Variants in FNDC3B observed in about 807,000 individuals in gnomAD.
FNDC3B encodes fibronectin type III domain-containing protein 3B.
A neutral mutation model predicts 151.5 loss-of-function variants in FNDC3B; 12 were observed. The ratio of observed to expected loss-of-function variants is 0.08; its 90% CI spans 0.05 to 0.13. FNDC3B has a LOEUF of 0.13. Ranked by LOEUF, FNDC3B falls within the 10% of genes least tolerant of loss-of-function variation. The probability of loss-of-function intolerance (pLI) is 1.00; values close to 1 mark genes in which losing one functional copy is unlikely to be tolerated. For missense variants in FNDC3B, 1,214 were observed against 1,505.3 expected (o/e 0.81, Z 3.20); for synonymous variants, 528 against 549.0 (o/e 0.96, Z 0.54).
intron 2 of FNDC3B, among the ~76,000 whole-genome samples, chr3:172,127,682 A>T (rs988323228): frequency 2.0e-5 from 3 of 152,028 alleles, no homozygotes; most frequent in African/African-American, 7.2e-5. Flanking sequence ...TTTTATTTTT[A>T]AGTTTTATTT....
At chr3:172,305,794 G>A (rs139789266) in intron 9 of FNDC3B, among the ~76,000 whole-genome samples, 56 of 152,300 alleles carry the variant, frequency 3.7e-4, no homozygotes, top group African/African-American at 1.3e-3. Flanking sequence ...GCCCATGTCT[G>A]GAACATGTTG....
intron 3 of FNDC3B, among the ~76,000 whole-genome samples, chr3:172,144,408 C>T (rs983012246): frequency 2.0e-5 from 3 of 152,170 alleles, no homozygotes; most frequent in Non-Finnish European, 4.4e-5. Context: ...ATGAAGGTGG[C>T]ATAATGGTTT....
chr3:172,329,141 A>G (rs1732507504), intron 12 of FNDC3B, 65 bp downstream of exon 12: 4 of 1,548,506 alleles, frequency 2.6e-6, no homozygotes, highest in Middle Eastern at 3.4e-4. Context: ...CTTCTTTTAC[A>G]TAGCTGGAAG....
At chr3:172,342,328 G>A (rs984785573) in intron 17 of FNDC3B, among the ~76,000 whole-genome samples, 2 of 152,206 alleles carry the variant, frequency 1.3e-5, no homozygotes, top group African/African-American at 4.8e-5. Context: ...TCCTTCCTAT[G>A]TGTGAGGCAC....
chr3:172,265,929 TG>T (rs1318725218), intron 6 of FNDC3B, among the ~76,000 whole-genome samples: 1 of 152,176 alleles, frequency 6.6e-6, no homozygotes, highest in Admixed American at 6.5e-5. Context: ...ATGCACAAGA[TG>T]GGAAGAACAA....
chr3:172,387,975 C>T (rs12495681), intron 25 of FNDC3B, among the ~76,000 whole-genome samples: 6,694 of 152,274 alleles, frequency 0.044, 210 homozygotes, highest in Middle Eastern at 0.092. Context: ...AGGGGAGACA[C>T]GGCGACAAGT....
chr3:172,041,491 CTTTT>C (rs10576188), intron 1 of FNDC3B, among the ~76,000 whole-genome samples: 1 of 136,130 alleles, frequency 7.3e-6, no homozygotes, highest in African/African-American at 2.8e-5. Context: ...TGTTCTTCTT[CTTTT>C]TTTTTTTTTT....
intron 1 of FNDC3B, among the ~76,000 whole-genome samples, chr3:172,105,204 G>T (rs1719583154): frequency 1.3e-5 from 2 of 152,262 alleles, no homozygotes; most frequent in South Asian, 4.1e-4. Context: ...CACCCGGGGT[G>T]TATGGGGGGA....
At chr3:172,381,213 T>G (rs1735420199) in intron 25 of FNDC3B, 120 bp downstream of exon 25, 1 of 1,078,776 alleles carries the variant, frequency 9.3e-7, no homozygotes, top group Admixed American at 2.4e-5. Context: ...AGAAACTGCC[T>G]AACTTGTACT....
chr3:172,324,556 A>G (rs1732248001), intron 11 of FNDC3B, among the ~76,000 whole-genome samples: 1 of 118,458 alleles, frequency 8.4e-6, no homozygotes, highest in Non-Finnish European at 1.7e-5. Flanking sequence ...ATTTCTTCAC[A>G]TTGTAGTAAA....
chr3:172,385,637 C>T (rs1463950275), intron 25 of FNDC3B, among the ~76,000 whole-genome samples: 4 of 151,498 alleles, frequency 2.6e-5, no homozygotes, highest in Non-Finnish European at 5.9e-5. Flanking sequence ...CGGCTCACTG[C>T]AAGGTCTGCC....
At chr3:172,115,542 C>T (rs1173413911) in intron 2 of FNDC3B, among the ~76,000 whole-genome samples, 1 of 152,156 alleles carries the variant, frequency 6.6e-6, no homozygotes, top group African/African-American at 2.4e-5. Context: ...CTACAGCAGA[C>T]ATACCAGAGA....
chr3:172,208,014 C>T (rs1189226784), intron 3 of FNDC3B, among the ~76,000 whole-genome samples: 6 of 152,312 alleles, frequency 3.9e-5, no homozygotes, highest in Non-Finnish European at 8.8e-5. Context: ...AAACCTTAGC[C>T]TTAGCAATGC....
At chr3:172,196,373 A>G (rs1342590625) in intron 3 of FNDC3B, among the ~76,000 whole-genome samples, 4 of 150,482 alleles carry the variant, frequency 2.7e-5, no homozygotes, top group Non-Finnish European at 5.9e-5. Flanking sequence ...TTTTGTAGGG[A>G]TGGGGGTCTT....
At chr3:172,151,579 G>A (rs181313272) in intron 3 of FNDC3B, among the ~76,000 whole-genome samples, 13 of 151,992 alleles carry the variant, frequency 8.6e-5, no homozygotes, top group Admixed American at 6.5e-4. Flanking sequence ...TATTCCAGAT[G>A]TACAAGAAGT....
intron 11 of FNDC3B, among the ~76,000 whole-genome samples, chr3:172,323,816 T>C (rs1732209546): frequency 6.6e-6 from 1 of 152,128 alleles, no homozygotes; most frequent in Non-Finnish European, 1.5e-5. Context: ...TAGACTCCCA[T>C]TATTAATTAG....
At chr3:172,391,142 T>C (rs1325170826) in intron 25 of FNDC3B, among the ~76,000 whole-genome samples, 1 of 152,194 alleles carries the variant, frequency 6.6e-6, no homozygotes, top group Non-Finnish European at 1.5e-5. Flanking sequence ...CTAAGAGACT[T>C]TAAGAAATTA....
intron 8 of FNDC3B, among the ~76,000 whole-genome samples, chr3:172,297,341 TC>T (rs1311415456): frequency 6.6e-6 from 1 of 152,134 alleles, no homozygotes; most frequent in African/African-American, 2.4e-5. Flanking sequence ...TTATAAGATG[TC>T]CCCAAAATAG....
At chr3:172,296,660 C>G (rs1730622429) in intron 8 of FNDC3B, among the ~76,000 whole-genome samples, 1 of 152,172 alleles carries the variant, frequency 6.6e-6, no homozygotes, top group African/African-American at 2.4e-5. Context: ...TTATTCTAGT[C>G]TGAAAAATCA....
Sources: gnomAD v4.1 joint callset for allele counts (sites outside exome capture counted in the v4.1 genomes callset) on GRCh38, gnomAD v4.1.1 for gene constraint, MANE v1.5 for transcripts, NCBI Gene and HGNC (gene_info 2026-07-23, HGNC 2026-07-21) for gene names.